The following KRABD3 variants were observed in gnomAD, a reference collection of about 807,000 sequenced individuals.
KRABD3 encodes the protein KRAB domain containing 3, also known as KRAB domain-containing protein 3.
At chr7:149,724,412 G>A in the KRABD3 span, among the ~76,000 whole-genome samples, 2 of 152,170 alleles carry the variant, frequency 1.3e-5, no homozygotes, top group Admixed American at 6.5e-5. Context: ...GTGCTGTCTG[G>A]GGAGGGCTGA....
the KRABD3 span, chr7:149,721,048 A>G: frequency 5.7e-6 from 9 of 1,587,184 alleles, no homozygotes; most frequent in African/African-American, 1.3e-5. Flanking sequence ...ATGATGAAGC[A>G]CAAGTCCACG....
chr7:149,732,407 C>T, the KRABD3 span, among the ~76,000 whole-genome samples: 7 of 152,124 alleles, frequency 4.6e-5, no homozygotes, highest in Non-Finnish European at 1.0e-4. This position sits in a 1 kb window ranked among gnomAD's most constrained non-coding sequence, Gnocchi z 4.0. Context: ...TTCACTTTTT[C>T]CTCGGTTTAA....
chr7:149,715,829 G>A, the KRABD3 span, among the ~76,000 whole-genome samples: 330 of 152,270 alleles, frequency 2.2e-3, 1 homozygote, highest in African/African-American at 7.4e-3. Flanking sequence ...TGTTGGGCAG[G>A]GACAGTCAAG....
chr7:149,731,680 C>T, the KRABD3 span: 2 of 1,609,622 alleles, frequency 1.2e-6, no homozygotes, highest in Non-Finnish European at 1.7e-6. Context: ...AGGTACAGCT[C>T]AGGATCCCTG....
At chr7:149,730,762 G>A in the KRABD3 span, 2 of 694,328 alleles carry the variant, frequency 2.9e-6, no homozygotes, top group Non-Finnish European at 4.7e-6. Context: ...GTGCTGGTGA[G>A]CAGCTGCAGG....
At chr7:149,715,147 G>C in the KRABD3 span, 2 of 1,229,304 alleles carry the variant, frequency 1.6e-6, no homozygotes, top group Non-Finnish European at 2.0e-6. Context: ...GGACCCCCCC[G>C]CAACTTCGGG....
the KRABD3 span, among the ~76,000 whole-genome samples, chr7:149,718,513 C>CTTTTTTTTTTTTTTTTTTTTT: frequency 1.2e-5 from 1 of 81,970 alleles, no homozygotes; most frequent in Non-Finnish European, 2.2e-5. Context: ...CACTGAAGGA[C>CTTTTTTTTTTTTTTTTTTTTT]TTTTTTTTTT....
chr7:149,722,972 TC>T, the KRABD3 span: 1 of 1,551,780 alleles, frequency 6.4e-7, no homozygotes, highest in South Asian at 1.2e-5. Flanking sequence ...TTCTGGGGCC[TC>T]AGGCTGAGGT....
the KRABD3 span, chr7:149,721,400 T>A: frequency 6.2e-7 from 1 of 1,607,596 alleles, no homozygotes; most frequent in African/African-American, 1.3e-5. Flanking sequence ...AAGAGAGCCC[T>A]GCCCTCTCCG....
At chr7:149,734,141 G>C in the KRABD3 span, 8 of 1,448,794 alleles carry the variant, frequency 5.5e-6, no homozygotes, top group Admixed American at 7.4e-5. Context: ...CCCTCTCCCA[G>C]AGGACGCCAT....
the KRABD3 span, chr7:149,722,682 C>T: frequency 1.6e-5 from 24 of 1,495,732 alleles, no homozygotes; most frequent in South Asian, 1.3e-4. Flanking sequence ...TGCATTCTCA[C>T]GGGTGGGAAT....
At chr7:149,728,934 G>C in the KRABD3 span, among the ~76,000 whole-genome samples, 1 of 152,168 alleles carries the variant, frequency 6.6e-6, no homozygotes, top group South Asian at 2.1e-4. Context: ...CCTTGTCCCG[G>C]CCGTGCCAGC....
the KRABD3 span, among the ~76,000 whole-genome samples, chr7:149,726,348 G>A: frequency 6.6e-6 from 1 of 152,162 alleles, no homozygotes; most frequent in Non-Finnish European, 1.5e-5. Flanking sequence ...TGTACTCCCA[G>A]CACTTTGGGA....
chr7:149,721,291 G>A, the KRABD3 span: 6 of 1,441,854 alleles, frequency 4.2e-6, no homozygotes, highest in East Asian at 1.4e-4. Context: ...GTCATTGTTA[G>A]TACATGGCAA....
the KRABD3 span, chr7:149,719,637 T>C: frequency 6.2e-7 from 1 of 1,603,930 alleles, no homozygotes; most frequent in Non-Finnish European, 8.5e-7. This position sits in a 1 kb window ranked among gnomAD's most constrained non-coding sequence, Gnocchi z 5.6. Flanking sequence ...TACCGAGACG[T>C]GATGCGGGAG....
the KRABD3 span, among the ~76,000 whole-genome samples, chr7:149,717,972 T>A: frequency 6.6e-6 from 1 of 152,146 alleles, no homozygotes; most frequent in Non-Finnish European, 1.5e-5. Flanking sequence ...CTAATTTTTG[T>A]ATTTTATTAG....
At chr7:149,732,015 T>C in the KRABD3 span, among the ~76,000 whole-genome samples, 1 of 152,184 alleles carries the variant, frequency 6.6e-6, no homozygotes, top group Non-Finnish European at 1.5e-5. The surrounding 1 kb of genome is among the most constrained non-coding windows in gnomAD (Gnocchi z 4.0). Flanking sequence ...GTTTGGGGCT[T>C]GAGGGGACTT....
chr7:149,725,384 C>T, the KRABD3 span: 27 of 1,608,896 alleles, frequency 1.7e-5, no homozygotes, highest in South Asian at 1.3e-4. Context: ...CCAAATGGGT[C>T]GTCACCTTCC....
chr7:149,733,647 G>C, the KRABD3 span: 4 of 1,589,420 alleles, frequency 2.5e-6, no homozygotes, highest in Non-Finnish European at 3.4e-6. Flanking sequence ...TGCAGGGCTG[G>C]TGACCTGCAA....
Sources: gnomAD v4.1 joint callset for allele counts (sites outside exome capture counted in the v4.1 genomes callset) on GRCh38, gnomAD v4.1.1 for gene constraint, Gnocchi (gnomAD v3.1) non-coding constraint, MANE v1.5 for transcripts, NCBI Gene and HGNC (gene_info 2026-07-23, HGNC 2026-07-21) for gene names.